The following PRDM5 variants were observed in gnomAD, a reference collection of about 807,000 sequenced individuals.
The protein encoded by PRDM5 is PR/SET domain 5.
Under a neutral mutation model 81.2 loss-of-function variants are expected in PRDM5, and 56 were observed. The observed-to-expected ratio is 0.69, with a 90% CI of 0.56 to 0.86. PRDM5 has a LOEUF of 0.86. Among genes scored for constraint, PRDM5 ranks in the 40% least tolerant of loss-of-function variants. The pLI, the probability that PRDM5 is intolerant of heterozygous loss-of-function variation, is 0.00. For missense variants in PRDM5, 697 were observed against 770.1 expected (o/e 0.91, Z 1.12); for synonymous variants, 267 against 256.4 (o/e 1.04, Z -0.39).
At chr4:120,860,786 G>T (rs1371002780) in intron 2 of PRDM5, among the ~76,000 whole-genome samples, 5 of 152,130 alleles carry the variant, frequency 3.3e-5, no homozygotes, top group Non-Finnish European at 7.3e-5. Flanking sequence ...TGTTAAGCAA[G>T]TGACTTCCAT....
chr4:120,739,714 A>C (rs907710725), intron 14 of PRDM5, among the ~76,000 whole-genome samples: 1 of 151,760 alleles, frequency 6.6e-6, no homozygotes, highest in Admixed American at 6.6e-5. Context: ...ATCAAAATCC[A>C]GAGAACCATG....
chr4:120,694,371 T>A lies in PRDM5; in HGVS notation c.*740A>T, dbSNP rs1028785792. ...CCTGCTGAATATTTAAATGTGATGGTCATTTTTGTGTAGAACTTATAAAAG... is the reference window on the plus strand; with the variant it reads ...CCTGCTGAATATTTAAATGTGATGGACATTTTTGTGTAGAACTTATAAAAG... On this transcript the variant is annotated 3_prime_UTR_variant, in exon 16 of 16. Coordinates refer to ENST00000264808, the MANE Select transcript of PRDM5 (RefSeq NM_018699.4). The A allele has an allele frequency of 6.6e-6, 1 of 152,148 alleles. No individual in the cohort carries two copies. The highest frequency in any genetic ancestry group is 1.5e-5 in the Non-Finnish European group (1 of 68,002). 9.4% of individuals were successfully genotyped at this position (152,148 alleles called of 1,614,324 possible). A position where few individuals can be genotyped will look rare whatever the true frequency, so the allele number is the denominator to read the frequency against.
At chr4:120,774,908 G>GTATATGTATATGTATA (rs1561182911) in intron 13 of PRDM5, among the ~76,000 whole-genome samples, 4 of 63,046 alleles carry the variant, frequency 6.3e-5, no homozygotes, top group African/African-American at 2.2e-4. Context: ...ATATATATAT[G>GTATATGTATATGTATA]TATATGTATA....
intron 14 of PRDM5, among the ~76,000 whole-genome samples, chr4:120,717,063 A>G (rs1305445895): frequency 4.4e-3 from 56 of 12,850 alleles, no homozygotes; most frequent in African/African-American, 0.011. Context: ...GAACATTGTG[A>G]AAAAAAAAAA....
intron 15 of PRDM5, among the ~76,000 whole-genome samples, chr4:120,703,711 C>A (rs1255516952): frequency 2.0e-5 from 3 of 152,102 alleles, no homozygotes; most frequent in Admixed American, 1.3e-4. Flanking sequence ...TACTATTAAA[C>A]CCATTTTACA....
At chr4:120,849,638 C>CTTATATT (rs1759042201) in intron 3 of PRDM5, among the ~76,000 whole-genome samples, 1 of 152,092 alleles carries the variant, frequency 6.6e-6, no homozygotes, top group Non-Finnish European at 1.5e-5. Flanking sequence ...ATGTAGCACT[C>CTTATATT]CATCTCTGAA....
chr4:120,888,607 T>C (rs1763720203), intron 2 of PRDM5, among the ~76,000 whole-genome samples: 1 of 152,226 alleles, frequency 6.6e-6, no homozygotes, highest in Admixed American at 6.5e-5. Context: ...TAACGTGTTC[T>C]AGTTAATATC....
intron 2 of PRDM5, among the ~76,000 whole-genome samples, chr4:120,861,348 A>C (rs1760549586): frequency 6.6e-6 from 1 of 152,170 alleles, no homozygotes; most frequent in Non-Finnish European, 1.5e-5. Flanking sequence ...AGCATATTAA[A>C]AGAGTTTACA....
intron 3 of PRDM5, among the ~76,000 whole-genome samples, chr4:120,825,021 C>T (rs145496832): frequency 1.6e-3 from 235 of 151,584 alleles, no homozygotes; most frequent in East Asian, 0.014. Flanking sequence ...ATTAATGAAC[C>T]CTGTTCCTTG....
At chr4:120,850,119 T>C (rs186035836) in intron 3 of PRDM5, among the ~76,000 whole-genome samples, 9 of 152,224 alleles carry the variant, frequency 5.9e-5, no homozygotes, top group Admixed American at 5.9e-4. Context: ...AGACCTCAAC[T>C]TCATAATCCC....
At chr4:120,892,939 C>T (rs909905894) in intron 2 of PRDM5, among the ~76,000 whole-genome samples, 1 of 152,168 alleles carries the variant, frequency 6.6e-6, no homozygotes, top group Non-Finnish European at 1.5e-5. Flanking sequence ...ACCACTGGGC[C>T]AGAAGTTGGC....
chr4:120,689,953 G>C (rs545633343), downstream of PRDM5, among the ~76,000 whole-genome samples: 20 of 152,048 alleles, frequency 1.3e-4, no homozygotes, highest in East Asian at 1.5e-3. Flanking sequence ...ATCCACAAAA[G>C]GACCCATCAG....
At chr4:120,749,355 T>A (rs1743623150) in intron 14 of PRDM5, among the ~76,000 whole-genome samples, 1 of 152,098 alleles carries the variant, frequency 6.6e-6, no homozygotes, top group South Asian at 2.1e-4. Context: ...CCCTGGCACA[T>A]GGAAAGTCCA....
At chr4:120,787,637 C>T (rs1304001527) in intron 10 of PRDM5, among the ~76,000 whole-genome samples, 2 of 152,040 alleles carry the variant, frequency 1.3e-5, no homozygotes, top group African/African-American at 2.4e-5. Flanking sequence ...TGAGAAAGTA[C>T]CTGGATATGA....
chr4:120,744,466 C>T (rs1742652014), intron 14 of PRDM5, among the ~76,000 whole-genome samples: 1 of 151,704 alleles, frequency 6.6e-6, no homozygotes. Context: ...CACAAAAAAC[C>T]CTTCAAAAAA....
rs764095834 is a variant in PRDM5, at chr4:120,710,339, C to T, written c.1698G>A (p.Thr566=). The change falls in exon 15 of 16, where the codon ACG becomes ACA. Residue 566 remains threonine (T), a synonymous_variant. Coordinates refer to ENST00000264808, the MANE Select transcript of PRDM5 (RefSeq NM_018699.4). ...ACTGAAAAGGCTTTTCTCCAGTGTG[C>T]GTCCTCTTGTGCTCATCCAGGCCTC... is the stretch of plus-strand genomic sequence containing the variant. ...QKRGLDEHKR[T]HTGEKPFQCD... The T allele has an allele frequency of 3.3e-5, 53 of 1,613,868 alleles. No homozygotes were observed. Among genetic ancestry groups the T allele is most frequent in the South Asian group, 1.1e-4 (10 of 91,082 alleles).
intron 10 of PRDM5, among the ~76,000 whole-genome samples, chr4:120,785,888 T>C (rs1749703680): frequency 6.6e-6 from 1 of 151,918 alleles, no homozygotes; most frequent in South Asian, 2.1e-4. Context: ...ACTAACTAGA[T>C]CTAAAATTCA....
intron 3 of PRDM5, among the ~76,000 whole-genome samples, chr4:120,823,656 T>G (rs968969340): frequency 2.0e-5 from 3 of 152,196 alleles, no homozygotes; most frequent in Non-Finnish European, 4.4e-5. Context: ...GTTGTTCTCC[T>G]CCCTACAAAC....
chr4:120,684,467 T>A (rs1302240484), downstream of PRDM5, among the ~76,000 whole-genome samples: 1 of 151,810 alleles, frequency 6.6e-6, no homozygotes, highest in African/African-American at 2.4e-5. Context: ...AATATGAAAA[T>A]CAGGCTTTTT....
Sources: allele counts gnomAD v4.1 joint callset (sites outside exome capture counted in the v4.1 genomes callset), GRCh38; gene constraint gnomAD v4.1.1; transcripts MANE v1.5; gene names NCBI Gene and HGNC (gene_info 2026-07-23, HGNC 2026-07-21).